The following DAB1 variants were observed in gnomAD, a reference collection of about 807,000 sequenced individuals.
The protein encoded by DAB1 is DAB adaptor protein 1.
In DAB1, 15 loss-of-function variants were observed where a neutral mutation model predicts 64.6. That is an observed-to-expected ratio of 0.23 (90% CI 0.16 to 0.36). DAB1 has a LOEUF of 0.36. Among genes scored for constraint, DAB1 ranks in the 10% least tolerant of loss-of-function variants. The probability of loss-of-function intolerance (pLI) is 1.00; values close to 1 mark genes in which losing one functional copy is unlikely to be tolerated. For synonymous variants in DAB1, 235 were observed against 251.9 expected (o/e 0.93, Z 0.64); for missense variants, 596 against 706.7 (o/e 0.84, Z 1.78).
At chr1:57,725,301 A>C (rs1647195287) in intron 6 of DAB1, among the ~76,000 whole-genome samples, 1 of 152,214 alleles carries the variant, frequency 6.6e-6, no homozygotes, top group African/African-American at 2.4e-5. Flanking sequence ...GAACAAATTA[A>C]AATAGCTTAT....
intron 1 of DAB1, among the ~76,000 whole-genome samples, chr1:57,371,012 G>A (rs2405696): frequency 0.4 from 61,381 of 152,014 alleles, 12,904 homozygotes; most frequent in Non-Finnish European, 0.44. Context: ...TAGAGCCATC[G>A]CCCTAATTTT....
chr1:58,402,325 A>G lies in DAB1; in HGVS notation n.258-58922T>C, dbSNP rs1356016361. Among the ~76,000 whole-genome samples, 6 of 152,122 alleles carry G rather than the reference A, an allele frequency of 3.9e-5. No homozygotes were observed. In the East Asian group the frequency reaches 1.2e-3, roughly 29 times the overall value. ...TAATCAGCACCTTCTCCCCTCTCCC[A>G]ACACCCCCTTACCCGCAAGAAACGT... On this transcript the variant is annotated intron_variant and non_coding_transcript_variant, in intron 3 of 20. Coordinates refer to the DAB1 transcript ENST00000485760.
At chr1:57,038,451 G>T (rs1647295148) in intron 9 of DAB1, among the ~76,000 whole-genome samples, 1 of 152,146 alleles carries the variant, frequency 6.6e-6, no homozygotes, top group African/African-American at 2.4e-5. Context: ...AAATGTGCCA[G>T]GCCTACTGAG....
At chr1:57,960,216 G>A (rs1029389054) in intron 5 of DAB1, among the ~76,000 whole-genome samples, 1 of 152,168 alleles carries the variant, frequency 6.6e-6, no homozygotes, top group Non-Finnish European at 1.5e-5. Flanking sequence ...ATAGGCTTTG[G>A]AGTCAGAAAG....
rs118030871 is a variant in DAB1 at position 58,002,212 on chromosome 1, A to G, written n.388-118050T>C. 8.2e-3 allele frequency among the ~76,000 whole-genome samples: 1,245 copies of G among 152,336 alleles called. 21 individuals carry two copies. In the East Asian group the frequency reaches 0.082, roughly 10 times the overall value. ...AACTGATACACTGATCTTGAGCTGT[A>G]TCCACAATATTAAGTTCAGAGTTTT... On this transcript the variant is annotated intron_variant and non_coding_transcript_variant, in intron 5 of 20. Transcript: ENST00000485760.
chr1:57,944,467 A>G (rs559833645), intron 5 of DAB1, among the ~76,000 whole-genome samples: 2 of 152,346 alleles, frequency 1.3e-5, no homozygotes, highest in East Asian at 3.9e-4. Context: ...AAGATACTAT[A>G]GACAACTCAA....
At chr1:57,677,766 A>G (rs1646585065) in intron 6 of DAB1, among the ~76,000 whole-genome samples, 1 of 152,238 alleles carries the variant, frequency 6.6e-6, no homozygotes, top group Non-Finnish European at 1.5e-5. Flanking sequence ...TTCAGTCAAA[A>G]GAAATATGGA....
chr1:57,963,790 C>T (rs1218188120), intron 5 of DAB1, among the ~76,000 whole-genome samples: 2 of 152,026 alleles, frequency 1.3e-5, no homozygotes, highest in African/African-American at 4.8e-5. Context: ...AAACTCATAT[C>T]GCATTACATT....
chr1:58,117,090 T>C (rs1330638129), intron 5 of DAB1, among the ~76,000 whole-genome samples: 2 of 152,214 alleles, frequency 1.3e-5, no homozygotes, highest in African/African-American at 4.8e-5. Context: ...TAATAGCTCA[T>C]ATGTTACAGT....
At chr1:57,854,806 GA>G (rs1174947325) in intron 1 of DAB1, among the ~76,000 whole-genome samples, 1 of 152,200 alleles carries the variant, frequency 6.6e-6, no homozygotes, top group Non-Finnish European at 1.5e-5. Context: ...TGATGCCAGA[GA>G]CAGGGAATTT....
upstream of DAB1, among the ~76,000 whole-genome samples, chr1:57,885,300 GTA>G (rs1644205611): frequency 6.6e-6 from 1 of 152,194 alleles, no homozygotes; most frequent in Non-Finnish European, 1.5e-5. Context: ...AGAAACAGAA[GTA>G]TAGAGAATGT....
intron 14 of DAB1, among the ~76,000 whole-genome samples, chr1:57,001,272 A>G (rs888776068): frequency 6.6e-6 from 1 of 152,176 alleles, no homozygotes; most frequent in Non-Finnish European, 1.5e-5. Context: ...GCACATTAAC[A>G]TAACATGCTG....
chr1:57,765,982 T>C (rs947986069), intron 6 of DAB1, among the ~76,000 whole-genome samples: 1 of 151,970 alleles, frequency 6.6e-6, no homozygotes, highest in African/African-American at 2.4e-5. Flanking sequence ...CCCCAACCTC[T>C]AAACGTGGAA....
intron 9 of DAB1, among the ~76,000 whole-genome samples, chr1:57,047,795 T>C (rs937472963): frequency 3.9e-5 from 6 of 152,206 alleles, no homozygotes; most frequent in Non-Finnish European, 7.3e-5. Context: ...CTTGATCTTG[T>C]TGACACTATT....
intron 4 of DAB1, among the ~76,000 whole-genome samples, chr1:58,194,540 T>G (rs1194176696): frequency 6.6e-6 from 1 of 152,224 alleles, no homozygotes; most frequent in East Asian, 1.9e-4. Flanking sequence ...ATGTTTGTAG[T>G]GCTTTTCAAG....
chr1:57,922,862 A>AAAAAAAAAAAAAAAC (rs1644829311), intron 5 of DAB1, among the ~76,000 whole-genome samples: 1 of 150,484 alleles, frequency 6.6e-6, no homozygotes, highest in South Asian at 2.1e-4. Context: ...AAAAAAAAAA[A>AAAAAAAAAAAAAAAC]AAAAAAGATT....
chr1:57,636,126 A>T (rs954434014), intron 7 of DAB1, among the ~76,000 whole-genome samples: 5 of 150,636 alleles, frequency 3.3e-5, no homozygotes, highest in Non-Finnish European at 5.9e-5. Flanking sequence ...AAAACAAAAA[A>T]CTGGTGCCCT....
In DAB1 at chr1:57,182,443, G is replaced by A. The variant is rs1047254767; in HGVS notation, c.68-37014C>T. On this transcript the variant is annotated intron_variant, in intron 2 of 14. Coordinates refer to ENST00000371236, the MANE Select transcript of DAB1 (RefSeq NM_001365792.1). The stretch of plus-strand genomic sequence containing the variant: ...TGCAGAATTGGAAACTAGCAGATAC[G>A]GGGCTAGAGCCCACAACTGCCTGTG... 4.6e-5 allele frequency among the ~76,000 whole-genome samples: 7 copies of A among 152,160 alleles called. No individual in the cohort carries two copies. The South Asian group carries it at 6.2e-4, about 14-fold the overall frequency.
chr1:58,469,495 AG>A (rs1645333790), intron 3 of DAB1, among the ~76,000 whole-genome samples: 1 of 152,128 alleles, frequency 6.6e-6, no homozygotes, highest in Non-Finnish European at 1.5e-5. Flanking sequence ...TCTCAAACTG[AG>A]TAATGTTAAA....
Sources: allele counts gnomAD v4.1 joint callset (sites outside exome capture counted in the v4.1 genomes callset), GRCh38; gene constraint gnomAD v4.1.1; transcripts MANE v1.5; gene names NCBI Gene and HGNC (gene_info 2026-07-23, HGNC 2026-07-21).